Variants in KIAA1217 observed in about 807,000 individuals in gnomAD.
KIAA1217 encodes the protein sickle tail protein homolog.
In KIAA1217, 88 loss-of-function variants were observed where a neutral mutation model predicts 163.9. The observed-to-expected ratio is 0.54, with a 90% CI of 0.45 to 0.64. The LOEUF is 0.64. Ranked by LOEUF, KIAA1217 falls within the 30% of genes least tolerant of loss-of-function variation. The pLI is 0.00. For synonymous variants in KIAA1217, 903 were observed against 923.1 expected, an observed-to-expected ratio of 0.98 and a Z score of 0.39; for missense variants, 2,372 against 2,475.0, an observed-to-expected ratio of 0.96 and a Z score of 0.88.
At position 23,719,493 on chromosome 10, in the gene KIAA1217, A is replaced by G. The variant is rs527239149; in HGVS notation, c.-321+24259A>G. Among the ~76,000 whole-genome samples the G allele has an allele frequency of 1.9e-3, 290 of 151,672 alleles. 3 individuals are homozygous for G. The highest frequency in any genetic ancestry group is 0.011 in the South Asian group (53 of 4,806). ...CTACTCAGGAGGCTGAGATGGGAGG[A>G]TTGTTTGAGTCCAGGAGGTCATGGC... On this transcript the variant is annotated intron_variant, in intron 1 of 18. Coordinates refer to the KIAA1217 transcript ENST00000376462.
At chr10:23,954,234 A>G (rs575866016) in intron 1 of KIAA1217, among the ~76,000 whole-genome samples, 1 of 152,228 alleles carries the variant, frequency 6.6e-6, no homozygotes, top group Admixed American at 6.5e-5. Flanking sequence ...AGGCAGAAAA[A>G]TTATGAGTCC....
chr10:24,120,349 G>A (rs1388427635), intron 2 of KIAA1217, among the ~76,000 whole-genome samples: 2 of 152,164 alleles, frequency 1.3e-5, no homozygotes, highest in East Asian at 1.9e-4. Context: ...CTTGGGAGAC[G>A]GGGAGGGGAA....
intron 2 of KIAA1217, among the ~76,000 whole-genome samples, chr10:24,297,897 A>G (rs1419266394): frequency 6.6e-6 from 1 of 151,962 alleles, no homozygotes; most frequent in Non-Finnish European, 1.5e-5. Flanking sequence ...AGTGAAAGGT[A>G]CATGAAATAG....
intron 1 of KIAA1217, among the ~76,000 whole-genome samples, chr10:23,918,764 A>T (rs1842729536): frequency 6.6e-6 from 1 of 152,064 alleles, no homozygotes; most frequent in Non-Finnish European, 1.5e-5. Context: ...ACACACACAC[A>T]CATATATAGT....
intron 1 of KIAA1217, among the ~76,000 whole-genome samples, chr10:23,928,096 G>A (rs1843103815): frequency 1.3e-5 from 2 of 152,142 alleles, no homozygotes; most frequent in Admixed American, 1.3e-4. Flanking sequence ...ACCTCTGTAG[G>A]CTTGGCTGGC....
intron 2 of KIAA1217, among the ~76,000 whole-genome samples, chr10:24,278,037 C>T (rs572787998): frequency 2.9e-4 from 44 of 152,288 alleles, no homozygotes; most frequent in African/African-American, 7.2e-4. Flanking sequence ...CTGTGCAGCT[C>T]GAGGACGCCG....
chr10:24,537,045 CA>C, intron 17 of KIAA1217, 152 bp downstream of exon 17: 2 of 909,364 alleles, frequency 2.2e-6, no homozygotes, highest in Non-Finnish European at 3.2e-6. Context: ...AGGTTAAAAT[CA>C]GAGATATCTT....
At chr10:24,487,109 A>ACTG (rs1362574839) in intron 6 of KIAA1217, among the ~76,000 whole-genome samples, 1 of 152,202 alleles carries the variant, frequency 6.6e-6, no homozygotes, top group Non-Finnish European at 1.5e-5. Flanking sequence ...TGCTCAGAAC[A>ACTG]CTGCTCCCTT....
chr10:24,024,786 A>G (rs1035497929), intron 2 of KIAA1217, among the ~76,000 whole-genome samples: 6 of 151,740 alleles, frequency 4.0e-5, no homozygotes, highest in African/African-American at 1.2e-4. Flanking sequence ...TTCATGAGCA[A>G]TGATGTTGAG....
chr10:23,951,106 G>C (rs1378942293), intron 1 of KIAA1217, among the ~76,000 whole-genome samples: 1 of 152,138 alleles, frequency 6.6e-6, no homozygotes, highest in African/African-American at 2.4e-5. Flanking sequence ...GTGAGAACAG[G>C]AATTCCAAAA....
At chr10:23,705,196 C>G (rs1015553134) in intron 1 of KIAA1217, among the ~76,000 whole-genome samples, 2 of 151,994 alleles carry the variant, frequency 1.3e-5, no homozygotes, top group African/African-American at 4.8e-5. Context: ...GTACAAGTTT[C>G]TTGCAAATAT....
intron 6 of KIAA1217, among the ~76,000 whole-genome samples, chr10:24,479,816 TCCTAA>T (rs926627033): frequency 2.6e-5 from 4 of 152,128 alleles, no homozygotes; most frequent in Non-Finnish European, 5.9e-5. Flanking sequence ...GGGTCTGGTT[TCCTAA>T]CAACTCACTC....
intron 6 of KIAA1217, chr10:24,481,560 A>T (rs1453675056): frequency 6.6e-6 from 1 of 152,176 alleles, no homozygotes; most frequent in Admixed American, 6.5e-5. Flanking sequence ...GTTTTCCTTG[A>T]AAACAATGAG....
chr10:23,800,627 G>GAAGTGGA (rs1836425129), intron 1 of KIAA1217, among the ~76,000 whole-genome samples: 1 of 152,196 alleles, frequency 6.6e-6, no homozygotes, highest in South Asian at 2.1e-4. Flanking sequence ...AGCAGATACA[G>GAAGTGGA]AAGTGGACAC....
intron 1 of KIAA1217, among the ~76,000 whole-genome samples, chr10:23,717,637 A>T (rs1837653906): frequency 6.6e-6 from 1 of 152,136 alleles, no homozygotes; most frequent in Non-Finnish European, 1.5e-5. Context: ...TCCTAATAGA[A>T]TTTAAGTCTA....
intron 1 of KIAA1217, among the ~76,000 whole-genome samples, chr10:23,824,645 AAAAAATAAAAAAAAT>A (rs1211005697): frequency 2.6e-3 from 248 of 95,762 alleles, no homozygotes; most frequent in African/African-American, 0.013. Flanking sequence ...AAAAAAAAAA[AAAAAATAAAAAAAAT>A]ATATATATAT....
intron 1 of KIAA1217, among the ~76,000 whole-genome samples, chr10:23,745,751 C>T (rs1249909671): frequency 1.3e-5 from 2 of 152,076 alleles, no homozygotes; most frequent in Non-Finnish European, 2.9e-5. Flanking sequence ...TCCTGGAGCC[C>T]ATGGTAGAGT....
intron 1 of KIAA1217, among the ~76,000 whole-genome samples, chr10:23,753,133 T>C (rs1406601918): frequency 1.3e-5 from 2 of 152,194 alleles, no homozygotes; most frequent in Non-Finnish European, 2.9e-5. Context: ...TGTGCCTACT[T>C]GCAAAAAGAT....
intron 1 of KIAA1217, among the ~76,000 whole-genome samples, chr10:23,761,647 A>G (rs942003219): frequency 3.2e-4 from 48 of 152,190 alleles, no homozygotes; most frequent in African/African-American, 1.2e-3. Context: ...CTTCTTTTGC[A>G]TTTGCTGAGG....
Sources: gnomAD v4.1 joint callset for allele counts (sites outside exome capture counted in the v4.1 genomes callset) on GRCh38, gnomAD v4.1.1 for gene constraint, MANE v1.5 for transcripts, NCBI Gene and HGNC (gene_info 2026-07-23, HGNC 2026-07-21) for gene names.